BBS9: variants seen among roughly 807,000 people sequenced by gnomAD.
The protein encoded by BBS9 is protein PTHB1.
A neutral mutation model predicts 117.7 loss-of-function variants in BBS9; 89 were observed. That is an observed-to-expected ratio of 0.76 (90% CI 0.64 to 0.90). The LOEUF is 0.90. BBS9 is among the 40% of genes least tolerant of loss of function. BBS9 has a pLI of 0.00. For synonymous variants in BBS9, 379 were observed against 370.9 expected (o/e 1.02, Z -0.25); for missense variants, 982 against 1,042.2 (o/e 0.94, Z 0.80).
At chr7:33,310,397 T>C (rs940656279) in intron 9 of BBS9, among the ~76,000 whole-genome samples, 1 of 152,190 alleles carries the variant, frequency 6.6e-6, no homozygotes, top group Non-Finnish European at 1.5e-5. Flanking sequence ...ATTTCTTCTA[T>C]GTTGGAAGTG....
intron 9 of BBS9, among the ~76,000 whole-genome samples, chr7:33,317,255 A>G (rs1810706609): frequency 6.6e-6 from 1 of 152,106 alleles, no homozygotes; most frequent in African/African-American, 2.4e-5. Flanking sequence ...TACTGTATGT[A>G]GATTTATAGT....
chr7:33,472,022 C>G (rs1330344318), intron 19 of BBS9, among the ~76,000 whole-genome samples: 1 of 152,114 alleles, frequency 6.6e-6, no homozygotes, highest in East Asian at 1.9e-4. Flanking sequence ...AAAAAAAACC[C>G]CACTTTCCTC....
chr7:33,546,772 G>A (rs945437891), intron 21 of BBS9, among the ~76,000 whole-genome samples: 14 of 152,158 alleles, frequency 9.2e-5, no homozygotes, highest in East Asian at 1.9e-4. Context: ...GTTCCACAAC[G>A]CATTCCCTGG....
intron 21 of BBS9, among the ~76,000 whole-genome samples, chr7:33,559,979 A>G (rs940229062): frequency 3.9e-5 from 6 of 151,942 alleles, no homozygotes; most frequent in Non-Finnish European, 8.8e-5. Context: ...GTCCTTCATA[A>G]TTCCAATATT....
At chr7:33,448,540 C>T (rs1458840714) in intron 19 of BBS9, among the ~76,000 whole-genome samples, 1 of 152,148 alleles carries the variant, frequency 6.6e-6, no homozygotes, top group African/African-American at 2.4e-5. Context: ...TAGCTCAGGA[C>T]TTTGATGTGA....
At chr7:33,438,459 A>G (rs1399949192) in intron 19 of BBS9, among the ~76,000 whole-genome samples, 1 of 152,250 alleles carries the variant, frequency 6.6e-6, no homozygotes, top group Non-Finnish European at 1.5e-5. Context: ...AATTAAGAAT[A>G]ACGGGTCCAG....
intron 19 of BBS9, among the ~76,000 whole-genome samples, chr7:33,429,865 A>G (rs899071413): frequency 1.3e-4 from 20 of 151,956 alleles, no homozygotes; most frequent in Admixed American, 5.9e-4. Flanking sequence ...TAAAAAACCT[A>G]TAGTTTTGTT....
chr7:33,527,422 C>T (rs1281177548), intron 20 of BBS9, among the ~76,000 whole-genome samples: 5 of 152,130 alleles, frequency 3.3e-5, no homozygotes, highest in East Asian at 1.9e-4. Context: ...TAGGACCCTC[C>T]GAGCCAGGTG....
intron 19 of BBS9, among the ~76,000 whole-genome samples, chr7:33,446,738 A>G (rs960122418): frequency 3.3e-5 from 5 of 152,218 alleles, no homozygotes; most frequent in African/African-American, 2.4e-5. Context: ...CTAACATGCT[A>G]TGGAGTGAGT....
At chr7:33,451,688 A>T (rs945038584) in intron 19 of BBS9, among the ~76,000 whole-genome samples, 1 of 152,200 alleles carries the variant, frequency 6.6e-6, no homozygotes, top group Non-Finnish European at 1.5e-5. Context: ...CTGAGGTTAC[A>T]TATGAAATTT....
intron 21 of BBS9, among the ~76,000 whole-genome samples, chr7:33,581,055 G>T (rs1341138408): frequency 6.6e-6 from 1 of 151,252 alleles, no homozygotes; most frequent in Non-Finnish European, 1.5e-5. Context: ...TTACCGAAAG[G>T]TGTGTATTTT....
intron 21 of BBS9, among the ~76,000 whole-genome samples, chr7:33,561,721 C>A (rs1856111353): frequency 6.6e-6 from 1 of 152,118 alleles, no homozygotes; most frequent in Admixed American, 6.5e-5. Flanking sequence ...CAGGAAGAAA[C>A]AGATCTGATC....
chr7:33,309,145 G>A (rs1447638376), intron 9 of BBS9, among the ~76,000 whole-genome samples: 3 of 152,200 alleles, frequency 2.0e-5, no homozygotes, highest in Non-Finnish European at 4.4e-5. Context: ...AATCACTGGA[G>A]TAGGGGGTCT....
At chr7:33,520,116 C>T (rs974775789) in intron 20 of BBS9, among the ~76,000 whole-genome samples, 1 of 151,094 alleles carries the variant, frequency 6.6e-6, no homozygotes, top group African/African-American at 2.4e-5. Flanking sequence ...TTAAGCGATT[C>T]TCCTGCCTCA....
At chr7:33,269,578 G>A (rs952119224) in intron 7 of BBS9, among the ~76,000 whole-genome samples, 13 of 152,102 alleles carry the variant, frequency 8.5e-5, no homozygotes, top group African/African-American at 2.9e-4. Context: ...CAGCCTGGGA[G>A]TGCCAAGCTG....
At chr7:33,456,327 C>T (rs1254840463) in intron 19 of BBS9, among the ~76,000 whole-genome samples, 1 of 152,064 alleles carries the variant, frequency 6.6e-6, no homozygotes, top group Non-Finnish European at 1.5e-5. Flanking sequence ...AAAAAATGTG[C>T]ATTTAATTAA....
At chr7:33,375,774 G>A (rs915235809) in intron 17 of BBS9, among the ~76,000 whole-genome samples, 1 of 151,632 alleles carries the variant, frequency 6.6e-6, no homozygotes, top group Non-Finnish European at 1.5e-5. Context: ...TTGTATATTA[G>A]TAAAGATGGG....
chr7:33,553,240 C>T (rs1203713696), intron 21 of BBS9, among the ~76,000 whole-genome samples: 2 of 152,172 alleles, frequency 1.3e-5, no homozygotes, highest in Admixed American at 6.5e-5. Flanking sequence ...ATAATTGCAT[C>T]TTCATTGTGG....
intron 2 of BBS9, 34 bp downstream of exon 2, chr7:33,146,398 A>C (rs768898699): frequency 6.6e-7 from 1 of 1,524,422 alleles, no homozygotes; most frequent in Admixed American, 1.7e-5. Context: ...CTTGGATGAA[A>C]GTTTTAAAGA....
Sources: gnomAD v4.1 joint callset for allele counts (sites outside exome capture counted in the v4.1 genomes callset) on GRCh38, gnomAD v4.1.1 for gene constraint, MANE v1.5 for transcripts, NCBI Gene and HGNC (gene_info 2026-07-23, HGNC 2026-07-21) for gene names.